NCR1: variants seen among roughly 807,000 people sequenced by gnomAD.
NCR1 encodes NK cell-activating receptor.
NCR1 carries 30 observed loss-of-function variants against 32.5 expected under a neutral mutation model. That is an observed-to-expected ratio of 0.92 (90% CI 0.69 to 1.25). The LOEUF is 1.25. NCR1 is among the 50% of genes most tolerant of loss of function. NCR1 has a pLI of 0.00. For missense variants in NCR1, 369 were observed against 380.7 expected, an observed-to-expected ratio of 0.97 and a Z score of 0.26; for synonymous variants, 169 against 143.4, an observed-to-expected ratio of 1.18 and a Z score of -1.28.
At chr19:54,908,142 G>A (rs1424493272) in intron 3 of NCR1, among the ~76,000 whole-genome samples, 2 of 152,050 alleles carry the variant, frequency 1.3e-5, no homozygotes, top group South Asian at 2.1e-4. Context: ...GCGGCCTTCC[G>A]CAGTGTTTGT....
At chr19:54,919,714 A>ACCCCC (rs58529355), downstream of NCR1, among the ~76,000 whole-genome samples, 186 of 100,012 alleles carry the variant, frequency 1.9e-3, 1 homozygote, top group African/African-American at 2.4e-3. Flanking sequence ...GGAAAGGGAG[A>ACCCCC]CCCCCCCCCC....
chr19:54,927,563 CAAAAACA>C, the NCR1 span: 1 of 1,554,354 alleles, frequency 6.4e-7, no homozygotes. Context: ...CTCAAAAAAA[CAAAAACA>C]AAAAACAAAA....
Position 54,913,028 on chromosome 19 carries a change from A to T in NCR1, c.*157A>T. The T allele has an allele frequency of 1.7e-6, 1 of 590,958 alleles. No homozygotes were observed. The allele number at this position is 590,958 out of a possible 1,614,324, so 36.6% of individuals were successfully genotyped here. A position where few individuals can be genotyped will look rare whatever the true frequency, so the allele number is the denominator to read the frequency against. ...TGTCAGAGCATCCCGGACGATGCAG[A>T]GGGTGGGAGAACTACATGCTAAATT... On this transcript the variant is annotated 3_prime_UTR_variant, in exon 7 of 7. Coordinates refer to ENST00000291890, the MANE Select transcript of NCR1 (RefSeq NM_004829.7).
chr19:54,911,958 C>T (rs2067998622), intron 5 of NCR1, among the ~76,000 whole-genome samples: 1 of 151,876 alleles, frequency 6.6e-6, no homozygotes, highest in Non-Finnish European at 1.5e-5. Flanking sequence ...TGCAAAGACA[C>T]ATGCTCACAA....
chr19:54,934,712 T>A, the NCR1 span: 1 of 1,433,460 alleles, frequency 7.0e-7, no homozygotes, highest in Non-Finnish European at 9.5e-7. The surrounding 1 kb of genome is among the most constrained non-coding windows in gnomAD (Gnocchi z 6.7). Flanking sequence ...GTATACCCTA[T>A]CAGCTTTTTT....
At chr19:54,917,929 C>T (rs1332981856), downstream of NCR1, among the ~76,000 whole-genome samples, 1 of 152,016 alleles carries the variant, frequency 6.6e-6, no homozygotes, top group Non-Finnish European at 1.5e-5. Context: ...CTACGTAAGA[C>T]GTGGCTATTT....
chr19:54,926,497 G>A, the NCR1 span, among the ~76,000 whole-genome samples: 2 of 152,216 alleles, frequency 1.3e-5, no homozygotes, highest in East Asian at 3.9e-4. Context: ...AGCCATCCCA[G>A]GGCCGAGCAC....
downstream of NCR1, among the ~76,000 whole-genome samples, chr19:54,916,348 T>C (rs527386719): frequency 3.8e-4 from 53 of 138,682 alleles, no homozygotes; most frequent in African/African-American, 1.5e-3. Flanking sequence ...TGAGACGAAG[T>C]CCTGCTCTGT....
At chr19:54,916,700 C>T (rs559798502), downstream of NCR1, among the ~76,000 whole-genome samples, 2,980 of 106,486 alleles carry the variant, frequency 0.028, 61 homozygotes, top group Non-Finnish European at 0.042. Flanking sequence ...ATCAACTGTT[C>T]TATTTTTTTT....
the NCR1 span, chr19:54,927,787 G>C: frequency 6.2e-7 from 1 of 1,612,970 alleles, no homozygotes; most frequent in Non-Finnish European, 8.5e-7. Flanking sequence ...TGTTGAGGAA[G>C]AACATGGAAA....
rs16986072 is a variant in NCR1, at chr19:54,912,939, G to A, written c.*68G>A. On this transcript the variant is annotated 3_prime_UTR_variant, in exon 7 of 7. Transcript: ENST00000291890. ...CTGGTGTTGAGCCTGGGCGGCGTGA[G>A]CTCTGTGTTGGACCCACGGAGGAGG... 30,806 of 1,506,496 alleles carry A rather than the reference G, an allele frequency of 0.02. 701 individuals carry two copies. Among genetic ancestry groups the A allele is most frequent in the African/African-American group, 0.077 (5,629 of 73,302 alleles). The allele number at this position is 1,506,496 out of a possible 1,614,324, so 93.3% of individuals were successfully genotyped here.
At chr19:54,916,316 GCTT>G (rs2068130667), downstream of NCR1, among the ~76,000 whole-genome samples, 1 of 84,568 alleles carries the variant, frequency 1.2e-5, no homozygotes, top group African/African-American at 4.7e-5. Context: ...TGAATATTGT[GCTT>G]TTTTTTTTTT....
At chr19:54,903,537 C>A (rs917737207), upstream of NCR1, among the ~76,000 whole-genome samples, 1 of 130,032 alleles carries the variant, frequency 7.7e-6, no homozygotes, top group Non-Finnish European at 1.6e-5. Flanking sequence ...CATATATATG[C>A]ATGTATGCAT....
chr19:54,925,412 TATAA>T, the NCR1 span, among the ~76,000 whole-genome samples: 1 of 152,206 alleles, frequency 6.6e-6, no homozygotes, highest in Admixed American at 6.6e-5. Flanking sequence ...TTGAGCAGGA[TATAA>T]ATAACTCCCA....
chr19:54,921,362 C>G, the NCR1 span, among the ~76,000 whole-genome samples: 1 of 152,196 alleles, frequency 6.6e-6, no homozygotes, highest in South Asian at 2.1e-4. Flanking sequence ...TTTGAGAAGA[C>G]TTATCTTGAC....
chr19:54,916,940 G>A (rs925974714), downstream of NCR1, among the ~76,000 whole-genome samples: 4 of 151,444 alleles, frequency 2.6e-5, no homozygotes, highest in Non-Finnish European at 5.9e-5. Context: ...CTCCCCACCC[G>A]CTAGAAACTG....
chr19:54,919,131 T>C (rs2068190037), downstream of NCR1, among the ~76,000 whole-genome samples: 1 of 152,134 alleles, frequency 6.6e-6, no homozygotes, highest in Admixed American at 6.6e-5. Flanking sequence ...CACGTTTTCT[T>C]TATCCACTGT....
downstream of NCR1, chr19:54,915,616 C>T (rs2068115976): frequency 6.6e-6 from 1 of 152,144 alleles, no homozygotes; most frequent in African/African-American, 2.4e-5. Context: ...TGCACCACTG[C>T]ACTCCAGCCT....
intron 6 of NCR1, among the ~76,000 whole-genome samples, 175 bp from the exon 7 acceptor site, chr19:54,912,515 C>A (rs1330572766): frequency 7.1e-6 from 1 of 140,596 alleles, no homozygotes; most frequent in Non-Finnish European, 1.5e-5. Flanking sequence ...AGGAGAATAG[C>A]TTGAACCCAG....
Sources: allele counts gnomAD v4.1 joint callset (sites outside exome capture counted in the v4.1 genomes callset), GRCh38; gene constraint gnomAD v4.1.1; non-coding constraint Gnocchi (gnomAD v3.1); transcripts MANE v1.5; gene names NCBI Gene and HGNC (gene_info 2026-07-23, HGNC 2026-07-21).